The following MCM8 variants were observed in gnomAD, a reference collection of about 807,000 sequenced individuals.
MCM8 encodes the protein DNA helicase MCM8.
Under a neutral mutation model 98.9 loss-of-function variants are expected in MCM8, and 85 were observed. The ratio of observed to expected loss-of-function variants is 0.86; its 90% CI spans 0.72 to 1.03. The LOEUF (loss-of-function observed/expected upper bound fraction) is 1.03. Among genes scored for constraint, MCM8 ranks in the 50% least tolerant of loss-of-function variants. The probability of loss-of-function intolerance (pLI) is 0.00; values close to 1 mark genes in which losing one functional copy is unlikely to be tolerated. For synonymous variants in MCM8, 352 were observed against 338.6 expected, an observed-to-expected ratio of 1.04 and a Z score of -0.44; for missense variants, 951 against 997.8, an observed-to-expected ratio of 0.95 and a Z score of 0.63.
chr20:5,962,835 C>T (rs903338040), intron 7 of MCM8, among the ~76,000 whole-genome samples: 1 of 152,176 alleles, frequency 6.6e-6, no homozygotes, highest in Admixed American at 6.5e-5. Flanking sequence ...AAGTATTACA[C>T]TCTACAGAAA....
chr20:5,981,349 CTCACTATG>C (rs2122786776), intron 13 of MCM8, among the ~76,000 whole-genome samples: 1 of 152,270 alleles, frequency 6.6e-6, no homozygotes, highest in South Asian at 2.1e-4. Flanking sequence ...GCAGGGAAGG[CTCACTATG>C]TCCCAGAGCT....
At chr20:5,990,312 G>T (rs1320121029) in intron 17 of MCM8, among the ~76,000 whole-genome samples, 1 of 152,088 alleles carries the variant, frequency 6.6e-6, no homozygotes, top group Non-Finnish European at 1.5e-5. Context: ...CCTGACCTCA[G>T]GTGATCTGCC....
intron 9 of MCM8, 85 bp from the exon 10 acceptor site, chr20:5,967,745 C>T (rs1373627430): frequency 2.2e-6 from 3 of 1,369,770 alleles, no homozygotes; most frequent in Non-Finnish European, 3.0e-6. Context: ...TTGTAGCTCC[C>T]TATGACTTTG....
chr20:5,972,158 G>T (rs2089417915), intron 11 of MCM8, 121 bp downstream of exon 11: 3 of 574,018 alleles, frequency 5.2e-6, no homozygotes, highest in South Asian at 2.4e-5. Flanking sequence ...AATATGCTTT[G>T]TAAATTAATG....
Position 5,994,734 on chromosome 20 carries a change from T to TAAAAA in MCM8, c.*357_*361dup. The TAAAAA allele has an allele frequency of 4.9e-6, 2 of 408,992 alleles. No individual in the cohort carries two copies. The highest frequency in any genetic ancestry group is 4.8e-6 in the Non-Finnish European group (1 of 208,010). The allele number at this position is 408,992 out of a possible 1,614,324, so 25.3% of individuals were successfully genotyped here. On this transcript the variant is annotated 3_prime_UTR_variant, in exon 19 of 19. Transcript: ENST00000610722. ...GGCAACATAGCAAGACCCCATTTCT[T>TAAAAA]AAAAAAAAAAAAAAAAAATTTAAAC...
At chr20:5,977,447 A>G (rs920665267) in intron 12 of MCM8, among the ~76,000 whole-genome samples, 1 of 152,228 alleles carries the variant, frequency 6.6e-6, no homozygotes, top group African/African-American at 2.4e-5. Flanking sequence ...CTGTTATAGC[A>G]TGTTTGCTCA....
chr20:5,955,043 G>C, intron 4 of MCM8, 59 bp from the exon 5 acceptor site: 1 of 1,210,146 alleles, frequency 8.3e-7, no homozygotes. Flanking sequence ...AGAATGCTCA[G>C]TTAATGGTAA....
rs2089550388 is a variant in MCM8, at chr20:5,978,022, G to A, written c.1537+5G>A. The A allele has an allele frequency of 6.2e-7, 1 of 1,614,122 alleles. No individual in the cohort carries two copies. The highest frequency in any genetic ancestry group is 8.5e-7 in the Non-Finnish European group (1 of 1,180,004). ...CCCTGGTACTTGGTGATCAAGGTGA[G>A]AGGCCAAAGGGAATAATTAGTGATT... is the stretch of plus-strand genomic sequence containing the variant. On this transcript the variant is annotated splice_donor_5th_base_variant and intron_variant, in intron 13 of 18. Transcript: ENST00000610722.
chr20:5,993,634 C>CT lies in MCM8; in HGVS notation c.2371dup (p.Tyr791LeufsTer2). The stretch of plus-strand genomic sequence containing the variant: ...GCTCTCAACAACGTTGCTGAAAGAA[C>CT]TTATAATAATATATTTCAATTTCAT... On this transcript the variant is annotated frameshift_variant, in exon 18 of 19. Transcript: ENST00000610722. LOFTEE classifies it high-confidence loss of function. The CT allele has an allele frequency of 6.2e-7, 1 of 1,611,438 alleles. No homozygotes were observed. The highest frequency in any genetic ancestry group is 8.5e-7 in the Non-Finnish European group (1 of 1,178,236).
chr20:5,963,451 A>G lies in MCM8; in HGVS notation c.875+92A>G, dbSNP rs558477281. 572 of 902,846 alleles carry G rather than the reference A, an allele frequency of 6.3e-4. 1 individual carries two copies. Among genetic ancestry groups the G allele is most frequent in the Non-Finnish European group, 8.7e-4 (484 of 555,642 alleles). The allele number at this position is 902,846 out of a possible 1,614,324, so 55.9% of individuals were successfully genotyped here. A position where few individuals can be genotyped will look rare whatever the true frequency, so the allele number is the denominator to read the frequency against. ...TTTACTGTATTATATTGTACGTTTT[A>G]TCTAAATGACAAAGTGTATAATAGT... On this transcript the variant is annotated intron_variant, in intron 8 of 18. Coordinates refer to ENST00000610722, the MANE Select transcript of MCM8 (RefSeq NM_032485.6).
intron 12 of MCM8, among the ~76,000 whole-genome samples, chr20:5,977,277 T>G (rs1054711152): frequency 6.6e-6 from 1 of 152,210 alleles, no homozygotes; most frequent in African/African-American, 2.4e-5. Flanking sequence ...CATGATTTCA[T>G]TTATTGTTCA....
Position 5,955,105 on chromosome 20 carries a change from G to T in MCM8, c.340G>T (p.Glu114Ter). 1 of 1,586,656 alleles carries T rather than the reference G, an allele frequency of 6.3e-7. No individual in the cohort carries two copies. The highest frequency in any genetic ancestry group is 2.2e-5 in the East Asian group (1 of 44,716). Reference sequence around the variant, plus strand: ...TTCATACTTTTATATTTTATAGGATGAAATAGAAAGAAAGGGAAGTATTTT... The same window carrying T: ...TTCATACTTTTATATTTTATAGGATTAAATAGAAAGAAAGGGAAGTATTTT... The part of the protein sequence containing the change: ...TRHIDLYDKD[E>*]IERKGSILVD... Residue 114 changes from glutamate to a stop codon, truncating the protein, a stop_gained, in exon 5 of 19, where the codon GAA becomes TAA. Transcript: ENST00000610722. LOFTEE classifies it high-confidence loss of function.
At position 5,958,704 on chromosome 20, in the gene MCM8, G is replaced by A; in HGVS notation, c.767G>A (p.Gly256Glu). Residue 256 changes from glycine to glutamate, a missense_variant, in exon 7 of 19, where the codon GGA becomes GAA. Transcript: ENST00000610722. ...ATTCAGAGCTTTCCTCTTCCAGATG[G>A]AAAATACAGTCTTCCCACAAAGGTA... ...GEIQSFPLPD[G>E]KYSLPTKCPV... The A allele has an allele frequency of 1.2e-6, 2 of 1,614,106 alleles. No individual in the cohort carries two copies. The highest frequency in any genetic ancestry group is 1.7e-6 in the Non-Finnish European group (2 of 1,179,998).
intron 3 of MCM8, among the ~76,000 whole-genome samples, chr20:5,953,936 G>A (rs1371134715): frequency 6.6e-6 from 1 of 152,094 alleles, no homozygotes; most frequent in East Asian, 1.9e-4. Context: ...TCTGTTTCAT[G>A]AATGATCTTT....
intron 3 of MCM8, among the ~76,000 whole-genome samples, chr20:5,954,218 CTG>C (rs2088911758): frequency 6.6e-6 from 1 of 151,892 alleles, no homozygotes. Context: ...TCAGGAAAGA[CTG>C]TGATTGTGAT....
rs751285294 is a variant in MCM8 at position 5,994,434 on chromosome 20, T to G, written c.*43T>G. Reference sequence around the variant, plus strand: ...AGGGCCTCCTGGGTTTATTGCAGATTAAAGCCATCTCAGTGAAGATATGCG... The same window carrying G: ...AGGGCCTCCTGGGTTTATTGCAGATGAAAGCCATCTCAGTGAAGATATGCG... On this transcript the variant is annotated 3_prime_UTR_variant, in exon 19 of 19. Transcript: ENST00000610722. 13 of 1,296,876 alleles carry G rather than the reference T, an allele frequency of 1.0e-5. No individual in the cohort carries two copies. Among genetic ancestry groups the G allele is most frequent in the Non-Finnish European group, 1.4e-5 (13 of 915,740 alleles). The allele number at this position is 1,296,876 out of a possible 1,614,324, so 80.3% of individuals were successfully genotyped here. A position where few individuals can be genotyped will look rare whatever the true frequency, so the allele number is the denominator to read the frequency against.
intron 3 of MCM8, among the ~76,000 whole-genome samples, chr20:5,953,667 G>A (rs1019666780): frequency 6.6e-6 from 1 of 151,898 alleles, no homozygotes; most frequent in Non-Finnish European, 1.5e-5. Flanking sequence ...TAGAGACGGG[G>A]TTTCACCGTG....
In MCM8 at chr20:5,958,719, C is replaced by G; in HGVS notation, c.782C>G (p.Pro261Arg). 1 of 1,613,950 alleles carries G rather than the reference C, an allele frequency of 6.2e-7. No homozygotes were observed. The highest frequency in any genetic ancestry group is 1.1e-5 in the South Asian group (1 of 91,062). ...FPLPDGKYSLPTKCPVPVCRG... is the reference protein window; with the variant it reads ...FPLPDGKYSLRTKCPVPVCRG... ...CTTCCAGATGGAAAATACAGTCTTC[C>G]CACAAAGGTAATACGTTCTTTAACT... Residue 261 changes from proline to arginine, a missense_variant, in exon 7 of 19, where the codon CCC becomes CGC. Physicochemically the swap from Pro to Arg is moderately radical, Grantham distance 103 (BLOSUM62 -2). Transcript: ENST00000610722.
chr20:5,978,111 C>G, intron 13 of MCM8, 94 bp downstream of exon 13: 2 of 1,429,098 alleles, frequency 1.4e-6, no homozygotes, highest in Non-Finnish European at 1.9e-6. Context: ...TTAAGAGAAA[C>G]ATTTAGATAG....
Sources: allele counts gnomAD v4.1 joint callset (sites outside exome capture counted in the v4.1 genomes callset), GRCh38; gene constraint gnomAD v4.1.1; transcripts MANE v1.5; gene names NCBI Gene and HGNC (gene_info 2026-07-23, HGNC 2026-07-21).